Variants in SCRG1 observed in about 807,000 individuals in gnomAD.
SCRG1 encodes scrapie-responsive protein 1.
A neutral mutation model predicts 7.7 loss-of-function variants in SCRG1; 3 were observed. The observed-to-expected ratio is 0.39, with a 90% CI of 0.18 to 1.01. The LOEUF is 1.01. SCRG1 is among the 50% of genes least tolerant of loss of function. The pLI, the probability that SCRG1 is intolerant of heterozygous loss-of-function variation, is 0.36. For synonymous variants in SCRG1, 46 were observed against 41.2 expected, an observed-to-expected ratio of 1.12 and a Z score of -0.44; for missense variants, 110 against 117.2, an observed-to-expected ratio of 0.94 and a Z score of 0.28.
chr4:173,462,399 A>G, the SCRG1 span, among the ~76,000 whole-genome samples: 5 of 152,204 alleles, frequency 3.3e-5, 1 homozygote, highest in African/African-American at 1.2e-4. Context: ...AGAGAGCAGC[A>G]TGGCATATTT....
chr4:173,440,576 G>A, the SCRG1 span, among the ~76,000 whole-genome samples: 4 of 152,274 alleles, frequency 2.6e-5, no homozygotes, highest in South Asian at 2.1e-4. Flanking sequence ...ACATATACAC[G>A]AAAAGACATA....
chr4:173,429,671 G>T, the SCRG1 span, among the ~76,000 whole-genome samples: 2 of 152,228 alleles, frequency 1.3e-5, 1 homozygote, highest in South Asian at 4.1e-4. Context: ...TTGTATTGTC[G>T]ATTGAGACAG....
chr4:173,460,766 G>A, the SCRG1 span, among the ~76,000 whole-genome samples: 6 of 152,124 alleles, frequency 3.9e-5, no homozygotes, highest in African/African-American at 1.4e-4. Flanking sequence ...GGGCTCCTAG[G>A]GTCCACGATT....
At chr4:173,409,600 T>TG (rs1460452085), upstream of SCRG1, among the ~76,000 whole-genome samples, 1 of 150,822 alleles carries the variant, frequency 6.6e-6, no homozygotes, top group African/African-American at 2.4e-5. Context: ...TTTTTTTTTT[T>TG]TTTTTTGAGA....
At chr4:173,470,130 T>C in the SCRG1 span, 4 of 149,728 alleles carry the variant, frequency 2.7e-5, no homozygotes, top group Admixed American at 2.7e-4. Flanking sequence ...CTTTTTTTTT[T>C]TTTTTTTTTT....
chr4:173,483,256 GATATATCATATATGATATA>G, the SCRG1 span, among the ~76,000 whole-genome samples: 1 of 35,630 alleles, frequency 2.8e-5, no homozygotes, highest in Middle Eastern at 0.036. Flanking sequence ...TATCATATAT[GATATATCATATATGATATA>G]TAATATATGA....
At chr4:173,429,855 T>C in the SCRG1 span, among the ~76,000 whole-genome samples, 1 of 152,226 alleles carries the variant, frequency 6.6e-6, no homozygotes, top group African/African-American at 2.4e-5. Context: ...ACATTAGCCT[T>C]GATTTCTAGC....
chr4:173,469,855 G>C, the SCRG1 span: 1 of 152,180 alleles, frequency 6.6e-6, no homozygotes, highest in African/African-American at 2.4e-5. Context: ...TCTGCTCAAG[G>C]TTACTTATTC....
At chr4:173,425,915 G>A in the SCRG1 span, among the ~76,000 whole-genome samples, 2 of 152,302 alleles carry the variant, frequency 1.3e-5, no homozygotes, top group Admixed American at 6.5e-5. Flanking sequence ...TCCACACATT[G>A]AGCAAGAATG....
At chr4:173,442,908 T>C in the SCRG1 span, among the ~76,000 whole-genome samples, 2 of 152,110 alleles carry the variant, frequency 1.3e-5, no homozygotes, top group Non-Finnish European at 1.5e-5. Context: ...TCCCAATCCA[T>C]TACACAGGCA....
the SCRG1 span, among the ~76,000 whole-genome samples, chr4:173,436,452 CCT>C: frequency 6.6e-6 from 1 of 152,132 alleles, no homozygotes; most frequent in Non-Finnish European, 1.5e-5. Context: ...TTGTTCTGTC[CCT>C]CTCTTACCTA....
chr4:173,471,170 A>T, the SCRG1 span, among the ~76,000 whole-genome samples: 2 of 152,340 alleles, frequency 1.3e-5, no homozygotes, highest in East Asian at 3.9e-4. Flanking sequence ...ATTTATGAGA[A>T]TCAATTCAAA....
the SCRG1 span, among the ~76,000 whole-genome samples, chr4:173,497,294 G>T: frequency 6.6e-6 from 1 of 152,102 alleles, no homozygotes; most frequent in African/African-American, 2.4e-5. Context: ...GACTGCCAAG[G>T]CTAGCTGGCC....
chr4:173,509,689 G>A, the SCRG1 span, among the ~76,000 whole-genome samples: 6 of 152,140 alleles, frequency 3.9e-5, no homozygotes, highest in Non-Finnish European at 8.8e-5. This position sits in a 1 kb window ranked among gnomAD's most constrained non-coding sequence, Gnocchi z 5.7. Flanking sequence ...GCGCGGACTC[G>A]GGGTGTCGGG....
At chr4:173,416,835 A>T in the SCRG1 span, among the ~76,000 whole-genome samples, 5 of 151,698 alleles carry the variant, frequency 3.3e-5, no homozygotes, top group Non-Finnish European at 7.4e-5. Context: ...CTGCTTTATA[A>T]GAATATACAC....
At chr4:173,423,716 C>T in the SCRG1 span, among the ~76,000 whole-genome samples, 12 of 149,920 alleles carry the variant, frequency 8.0e-5, no homozygotes, top group South Asian at 2.5e-3. Context: ...GACTGTAATA[C>T]CTCTGATGGA....
At chr4:173,420,047 A>G in the SCRG1 span, 1 of 629,982 alleles carries the variant, frequency 1.6e-6, no homozygotes, top group Non-Finnish European at 2.9e-6. Flanking sequence ...TTCTGAGCAT[A>G]GTAATCAGTT....
At chr4:173,509,983 T>C in the SCRG1 span, among the ~76,000 whole-genome samples, 11 of 152,300 alleles carry the variant, frequency 7.2e-5, no homozygotes, top group Admixed American at 5.2e-4. The surrounding 1 kb of genome is among the most constrained non-coding windows in gnomAD (Gnocchi z 5.7). Context: ...AAAATTCATA[T>C]GCGGGCTCAT....
chr4:173,495,430 C>G, the SCRG1 span, among the ~76,000 whole-genome samples: 1 of 152,200 alleles, frequency 6.6e-6, no homozygotes, highest in Non-Finnish European at 1.5e-5. Context: ...TGGAAACTGC[C>G]TTTCCATGGA....
Sources: allele counts gnomAD v4.1 joint callset (sites outside exome capture counted in the v4.1 genomes callset), GRCh38; gene constraint gnomAD v4.1.1; non-coding constraint Gnocchi (gnomAD v3.1); transcripts MANE v1.5; gene names NCBI Gene and HGNC (gene_info 2026-07-23, HGNC 2026-07-21).